Variants in HNRNPAB observed in about 807,000 individuals in gnomAD.
HNRNPAB encodes heterogeneous nuclear ribonucleoprotein A/B, also known as ABBP-1.
In HNRNPAB, 17 loss-of-function variants were observed where a neutral mutation model predicts 44.1. The observed-to-expected ratio is 0.39, with a 90% CI of 0.26 to 0.58. The LOEUF (loss-of-function observed/expected upper bound fraction) is 0.58, where lower values mean the gene tolerates loss of function less well. Ranked by LOEUF, HNRNPAB falls within the 20% of genes least tolerant of loss-of-function variation. The probability of loss-of-function intolerance (pLI) is 0.63; values close to 1 mark genes in which losing one functional copy is unlikely to be tolerated. For missense variants in HNRNPAB, 393 were observed against 432.7 expected (o/e 0.91, Z 0.81); for synonymous variants, 183 against 167.6 (o/e 1.09, Z -0.71).
intron 3 of HNRNPAB, 121 bp downstream of exon 3, chr5:178,206,131 A>C: frequency 1.1e-6 from 1 of 910,042 alleles, no homozygotes; most frequent in Non-Finnish European, 1.7e-6. Context: ...TTTGGGCAAA[A>C]CCCAAAGCCG....
Position 178,210,847 on chromosome 5 carries a change from T to G in HNRNPAB, c.*224T>G. On this transcript the variant is annotated 3_prime_UTR_variant, in exon 8 of 8. Transcript: ENST00000358344. The stretch of plus-strand genomic sequence containing the variant: ...GAGAGGCCATAGCGCCATCATGGGC[T>G]GATTTTTATTACCAGGTCCCCCAGA... 1 of 567,072 alleles carries G rather than the reference T, an allele frequency of 1.8e-6. No homozygotes were observed. Among genetic ancestry groups the G allele is most frequent in the Non-Finnish European group, 3.1e-6 (1 of 317,778 alleles). 35.1% of individuals were successfully genotyped at this position (567,072 alleles called of 1,614,324 possible).
rs1274307204 is a variant in HNRNPAB at position 178,206,020 on chromosome 5, G to A, written c.378+10G>A. On this transcript the variant is annotated intron_variant, in intron 3 of 7. Transcript: ENST00000358344. ...AGCCAGTGTGGAGAAGGTAAGCTGGGTACTGGATTTCAGCAGTCTCAGTGG... is the reference window on the plus strand; with the variant it reads ...AGCCAGTGTGGAGAAGGTAAGCTGGATACTGGATTTCAGCAGTCTCAGTGG... The A allele has an allele frequency of 3.1e-6, 5 of 1,608,158 alleles. No individual in the cohort carries two copies. The African/African-American group carries it at 4.0e-5, about 13-fold the overall frequency.
intron 6 of HNRNPAB, among the ~76,000 whole-genome samples, chr5:178,209,871 G>A (rs1757648735): frequency 6.6e-6 from 1 of 152,130 alleles, no homozygotes; most frequent in Non-Finnish European, 1.5e-5. Flanking sequence ...CAAGGAGAGT[G>A]GGAGTGATCA....
Position 178,204,877 on chromosome 5 carries a change from G to A in HNRNPAB, c.40G>A (p.Gly14Ser). 1.7e-6 allele frequency: 2 copies of A among 1,208,774 alleles called. No individual in the cohort carries two copies. Among genetic ancestry groups the A allele is most frequent in the African/African-American group, 1.6e-5 (1 of 62,006 alleles). 74.9% of individuals were successfully genotyped at this position (1,208,774 alleles called of 1,614,324 possible). The stretch of plus-strand genomic sequence containing the variant: ...CGAGGAGCAGCCCATGGAGACGACG[G>A]GCGCCACCGAGAACGGACATGAGGC... ...AGEEQPMETT[G>S]ATENGHEAVP... The change falls in exon 2 of 8, where the codon GGC (glycine) becomes AGC (serine). Residue 14 changes from glycine to serine, a missense_variant. Gly to Ser is a moderately conservative substitution (Grantham distance 56). Coordinates refer to ENST00000358344, the MANE Select transcript of HNRNPAB (RefSeq NM_031266.3).
intron 5 of HNRNPAB, chr5:178,209,006 TGTG>T (rs1354092478): frequency 7.2e-6 from 2 of 278,584 alleles, no homozygotes; most frequent in African/African-American, 4.4e-5. Context: ...AGGACCAAGG[TGTG>T]GTGCCTGGTC....
rs1213148577 is a variant in HNRNPAB at position 178,204,989 on chromosome 5, A to G, written c.152A>G (p.Asn51Ser). The G allele has an allele frequency of 1.2e-5, 14 of 1,207,238 alleles. No homozygotes were observed. The highest frequency in any genetic ancestry group is 1.6e-5 in the African/African-American group (1 of 63,014). 74.8% of individuals were successfully genotyped at this position (1,207,238 alleles called of 1,614,324 possible). A position where few individuals can be genotyped will look rare whatever the true frequency, so the allele number is the denominator to read the frequency against. ...GGATAAPPSG[N>S]QNGAEGDQIN... ...GCGACCGCGGCGCCCCCGAGCGGGA[A>G]TCAGAACGGCGCCGAGGGCGACCAG... The change falls in exon 2 of 8, where the codon AAT becomes AGT. Residue 51 changes from asparagine (N) to serine (S), a missense_variant. Physicochemically the swap from Asn to Ser is conservative, Grantham distance 46. Around this residue, in one of 3 missense-constraint regions of HNRNPAB, gnomAD observed 81 missense variants for 73.4 expected, o/e 1.10. Coordinates refer to ENST00000358344, the MANE Select transcript of HNRNPAB (RefSeq NM_031266.3).
chr5:178,207,196 A>G lies in HNRNPAB; in HGVS notation c.640A>G (p.Lys214Glu), dbSNP rs769149774. ...EEEPVKKVLEKKFHTVSGSKC... is the reference protein window; with the variant it reads ...EEEPVKKVLEEKFHTVSGSKC... ...AGAACCCGTGAAGAAGGTTCTGGAG[A>G]AAAAGTTCCATACTGTCAGTGGAAG... The change falls in exon 5 of 8, where the codon AAA becomes GAA. Residue 214 changes from lysine (K) to glutamate (E), a missense_variant. Lys to Glu is a moderately conservative substitution (Grantham distance 56). Transcript: ENST00000358344. 6.2e-7 allele frequency: 1 copy of G among 1,614,178 alleles called. No individual in the cohort carries two copies. The highest frequency in any genetic ancestry group is 8.5e-7 in the Non-Finnish European group (1 of 1,180,016).
chr5:178,207,869 A>G (rs1370444339), intron 5 of HNRNPAB, among the ~76,000 whole-genome samples: 1 of 151,684 alleles, frequency 6.6e-6, no homozygotes, highest in Non-Finnish European at 1.5e-5. Flanking sequence ...TGCCTGGCTC[A>G]TATGTTTTTT....
At position 178,210,780 on chromosome 5, in the gene HNRNPAB, C is replaced by CTATTTCCAGAGCTCTAGGTGTT; in HGVS notation, c.*160_*181dup. 1.5e-6 allele frequency: 1 copy of CTATTTCCAGAGCTCTAGGTGTT among 661,556 alleles called. No individual in the cohort carries two copies. The highest frequency in any genetic ancestry group is 2.7e-6 in the Non-Finnish European group (1 of 367,056). The allele number at this position is 661,556 out of a possible 1,614,324, so 41.0% of individuals were successfully genotyped here. On this transcript the variant is annotated 3_prime_UTR_variant, in exon 8 of 8. Transcript: ENST00000358344. ...CCCATGGAAATCACTCTCCTGTTGA[C>CTATTTCCAGAGCTCTAGGTGTT]TATTTCCAGAGCTCTAGGTGTTTAG...
At chr5:178,207,032 A>T in intron 4 of HNRNPAB, 62 bp from the exon 5 acceptor site, 1 of 1,598,222 alleles carries the variant, frequency 6.3e-7, no homozygotes, top group South Asian at 1.1e-5. Context: ...TTCTCCTGTG[A>T]GTCCCCTATA....
At chr5:178,208,649 T>A (rs1757248842) in intron 5 of HNRNPAB, 2 of 152,286 alleles carry the variant, frequency 1.3e-5, no homozygotes, top group Admixed American at 1.3e-4. Flanking sequence ...TACACTGGTC[T>A]GGTCTAATTT....
chr5:178,209,543 G>A (rs1231683414), intron 6 of HNRNPAB, 96 bp downstream of exon 6: 2 of 1,064,916 alleles, frequency 1.9e-6, no homozygotes, highest in Non-Finnish European at 2.9e-6. Context: ...GTGCAGCAGG[G>A]GTGGGCAGAT....
In HNRNPAB at chr5:178,204,648, G is replaced by A. The variant is rs1756973444; in HGVS notation, c.-116G>A. On this transcript the variant is annotated 5_prime_UTR_variant, in exon 1 of 8. Coordinates refer to ENST00000358344, the MANE Select transcript of HNRNPAB (RefSeq NM_031266.3). ...AGCTCCGTGGGCTGACTGGGGCGAG[G>A]CCTCAGCAGCGCGAGCTTGAGTGCG... is the stretch of plus-strand genomic sequence containing the variant. 3.3e-6 allele frequency: 1 copy of A among 299,798 alleles called. No individual in the cohort carries two copies. Among genetic ancestry groups the A allele is most frequent in the Non-Finnish European group, 6.1e-6 (1 of 164,382 alleles). 18.6% of individuals were successfully genotyped at this position (299,798 alleles called of 1,614,324 possible).
rs115721462 is a variant in HNRNPAB, at chr5:178,210,218, G to A, written c.874G>A (p.Gly292Ser). 8.9e-5 allele frequency: 144 copies of A among 1,613,002 alleles called. 1 individual carries two copies. In the African/African-American group the frequency reaches 1.2e-3, roughly 13 times the overall value. Reference protein sequence around the residue: ...YQQGYGPGYGGYDYSPYGYYG... With the variant: ...YQQGYGPGYGSYDYSPYGYYG... ...GCAGGGCTACGGGCCTGGCTATGGC[G>A]GCTACGACTACTCGCCCTATGGCTA... The change falls in exon 7 of 8, where the codon GGC (glycine) becomes AGC (serine). Residue 292 changes from glycine to serine, a missense_variant. This residue lies in a region of HNRNPAB where 210 missense variants were observed against 196.9 expected (regional missense o/e 1.07). Transcript: ENST00000358344.
Position 178,210,773 on chromosome 5 carries a change from C to CTGTTGACTATTTCCAGAGCTCTAGGTGT in HNRNPAB, c.*152_*179dup, listed in dbSNP as rs1278084099. Reference sequence around the variant, plus strand: ...AATTTCCCCCATGGAAATCACTCTCCTGTTGACTATTTCCAGAGCTCTAGG... The same window carrying CTGTTGACTATTTCCAGAGCTCTAGGTGT: ...AATTTCCCCCATGGAAATCACTCTCCTGTTGACTATTTCCAGAGCTCTAGGTGTTGTTGACTATTTCCAGAGCTCTAGG... On this transcript the variant is annotated 3_prime_UTR_variant, in exon 8 of 8. Transcript: ENST00000358344. 2 of 671,702 alleles carry CTGTTGACTATTTCCAGAGCTCTAGGTGT rather than the reference C, an allele frequency of 3.0e-6. No individual in the cohort carries two copies. Among genetic ancestry groups the CTGTTGACTATTTCCAGAGCTCTAGGTGT allele is most frequent in the African/African-American group, 3.5e-5 (2 of 56,442 alleles). The allele number at this position is 671,702 out of a possible 1,614,324, so 41.6% of individuals were successfully genotyped here.
Position 178,211,149 on chromosome 5 carries a change from T to C in HNRNPAB, c.*526T>C, listed in dbSNP as rs2113659173. ...AGCTATCCAAGCTTTTGAAATAAAA[T>C]TTAAAAACCCCCAAGCCTGGGTGAG... On this transcript the variant is annotated 3_prime_UTR_variant, in exon 8 of 8. Coordinates refer to ENST00000358344, the MANE Select transcript of HNRNPAB (RefSeq NM_031266.3). 6.4e-6 allele frequency: 1 copy of C among 156,280 alleles called. No individual in the cohort carries two copies. Among genetic ancestry groups the C allele is most frequent in the Admixed American group, 6.4e-5 (1 of 15,674 alleles). 9.7% of individuals were successfully genotyped at this position (156,280 alleles called of 1,614,324 possible).
chr5:178,205,800 C>T (rs75178425), intron 2 of HNRNPAB, 42 bp from the exon 3 acceptor site: 39,522 of 1,589,872 alleles, frequency 0.025, 595 homozygotes, highest in Non-Finnish European at 0.03. Flanking sequence ...TCACAGCTTG[C>T]TTACAAGACT....
rs550854152 is a variant in HNRNPAB, at chr5:178,207,049, G to A, written c.538-45G>A. 1.2e-5 allele frequency: 20 copies of A among 1,610,902 alleles called. No homozygotes were observed. In the South Asian group the frequency reaches 2.0e-4, roughly 16 times the overall value. On this transcript the variant is annotated intron_variant, in intron 4 of 7. Transcript: ENST00000358344. ...CTCCTGTGAGTCCCCTATATGCTCT[G>A]GGGTAGGGAGGTATTGGGCCTGAGT...
intron 5 of HNRNPAB, among the ~76,000 whole-genome samples, chr5:178,208,183 C>T (rs555157229): frequency 3.0e-4 from 45 of 152,240 alleles, no homozygotes; most frequent in African/African-American, 8.2e-4. Context: ...GTTGAGGGTG[C>T]GGCCTGCAGT....
Sources: gnomAD v4.1 joint callset for allele counts (sites outside exome capture counted in the v4.1 genomes callset) on GRCh38, gnomAD v4.1.1 for gene constraint, gnomAD v4.1.1 regional missense constraint, MANE v1.5 for transcripts, NCBI Gene and HGNC (gene_info 2026-07-23, HGNC 2026-07-21) for gene names.